Variants in DAAM1 observed in about 807,000 individuals in gnomAD.
The protein encoded by DAAM1 is dishevelled associated activator of morphogenesis 1.
In DAAM1, 52 loss-of-function variants were observed where a neutral mutation model predicts 130.0. That is an observed-to-expected ratio of 0.40 (90% CI 0.32 to 0.50). DAAM1 has a LOEUF of 0.50. Ranked by LOEUF, DAAM1 falls within the 20% of genes least tolerant of loss-of-function variation. The probability of loss-of-function intolerance (pLI) is 0.61; values close to 1 mark genes in which losing one functional copy is unlikely to be tolerated. For synonymous variants in DAAM1, 452 were observed against 444.5 expected (o/e 1.02, Z -0.21); for missense variants, 1,134 against 1,303.8 (o/e 0.87, Z 2.01).
chr14:59,244,488 G>A (rs746923997), intron 1 of DAAM1, among the ~76,000 whole-genome samples: 3 of 152,132 alleles, frequency 2.0e-5, no homozygotes, highest in Non-Finnish European at 4.4e-5. Flanking sequence ...CTGATTATAA[G>A]CTCTGTGAGG....
chr14:59,315,153 CG>C, intron 3 of DAAM1, 126 bp from the exon 4 acceptor site: 1 of 844,610 alleles, frequency 1.2e-6, no homozygotes. Context: ...AAAATAAATA[CG>C]TCATACCTTC....
chr14:59,281,281 A>T (rs964194165), intron 2 of DAAM1, among the ~76,000 whole-genome samples: 1 of 152,174 alleles, frequency 6.6e-6, no homozygotes, highest in Non-Finnish European at 1.5e-5. Flanking sequence ...TCAGTAGATA[A>T]GACACCAGGC....
chr14:59,300,920 A>G (rs1346716898), intron 3 of DAAM1, among the ~76,000 whole-genome samples: 2 of 152,172 alleles, frequency 1.3e-5, no homozygotes, highest in Non-Finnish European at 2.9e-5. Flanking sequence ...ATTGTGATGA[A>G]CATGTTTGTG....
chr14:59,204,988 G>A (rs960453433), intron 1 of DAAM1, among the ~76,000 whole-genome samples: 6 of 152,160 alleles, frequency 3.9e-5, no homozygotes, highest in South Asian at 2.1e-4. Flanking sequence ...GCTTCCTGTT[G>A]CTACTTTTTT....
Position 59,342,563 on chromosome 14 carries a change from G to A in DAAM1, c.2075+2383G>A, listed in dbSNP as rs528727822. Among the ~76,000 whole-genome samples the A allele has an allele frequency of 4.6e-5, 7 of 152,306 alleles. No homozygotes were observed. The South Asian group carries it at 1.2e-3, about 27-fold the overall frequency. On this transcript the variant is annotated intron_variant, in intron 16 of 24. Coordinates refer to ENST00000360909, the MANE Select transcript of DAAM1 (RefSeq NM_001270520.2). ...TAAAAGGAGAAAGAAGTAGGAAAAC[G>A]TGTTCAATACTTTTTCTCTTAGTCA...
chr14:59,339,918 A>G (rs1337383073), intron 15 of DAAM1, among the ~76,000 whole-genome samples, 156 bp from the exon 16 acceptor site: 1 of 152,160 alleles, frequency 6.6e-6, no homozygotes, highest in Non-Finnish European at 1.5e-5. Flanking sequence ...CTTTGTTTCA[A>G]TTCCATCATT....
chr14:59,285,992 C>T (rs1883435643), intron 2 of DAAM1, among the ~76,000 whole-genome samples: 1 of 152,120 alleles, frequency 6.6e-6, no homozygotes, highest in African/African-American at 2.4e-5. Flanking sequence ...TCACATGGCA[C>T]ATACTCTAAG....
intron 3 of DAAM1, among the ~76,000 whole-genome samples, chr14:59,309,388 T>G (rs1199658852): frequency 6.6e-6 from 1 of 152,208 alleles, no homozygotes; most frequent in Non-Finnish European, 1.5e-5. Flanking sequence ...CCAAACACTT[T>G]ATGAGCTTAT....
chr14:59,256,049 G>A (rs1881869054), intron 1 of DAAM1, among the ~76,000 whole-genome samples: 1 of 151,774 alleles, frequency 6.6e-6, no homozygotes, highest in Admixed American at 6.6e-5. Flanking sequence ...GGATTCCTCA[G>A]TCTGGACAGT....
At chr14:59,307,779 A>G (rs1326227562) in intron 3 of DAAM1, among the ~76,000 whole-genome samples, 1 of 152,190 alleles carries the variant, frequency 6.6e-6, no homozygotes, top group Admixed American at 6.5e-5. Context: ...AGCAAAAGTC[A>G]TCTGGAGGTG....
intron 1 of DAAM1, among the ~76,000 whole-genome samples, chr14:59,215,414 A>G (rs1044267453): frequency 6.6e-6 from 1 of 152,256 alleles, no homozygotes; most frequent in African/African-American, 2.4e-5. Flanking sequence ...AGAGTGTAAC[A>G]TAAGAGCTGA....
chr14:59,306,738 C>T (rs1333630141), intron 3 of DAAM1, among the ~76,000 whole-genome samples: 1 of 151,656 alleles, frequency 6.6e-6, no homozygotes, highest in Non-Finnish European at 1.5e-5. Flanking sequence ...ACCCCAAATA[C>T]TTAACCAACA....
intron 3 of DAAM1, among the ~76,000 whole-genome samples, chr14:59,293,588 C>A (rs1883838098): frequency 6.6e-6 from 1 of 152,182 alleles, no homozygotes; most frequent in Non-Finnish European, 1.5e-5. Context: ...AGCTTGGCTT[C>A]CTTATATGAC....
chr14:59,313,547 G>A (rs2139602920), intron 3 of DAAM1, among the ~76,000 whole-genome samples: 1 of 152,294 alleles, frequency 6.6e-6, no homozygotes, highest in South Asian at 2.1e-4. Flanking sequence ...ACAGGCTCTT[G>A]TGGGACCTCA....
chr14:59,347,306 T>C (rs1886122195), intron 16 of DAAM1, among the ~76,000 whole-genome samples: 1 of 121,406 alleles, frequency 8.2e-6, no homozygotes, highest in African/African-American at 2.5e-5. Flanking sequence ...AACTAAATCA[T>C]AGAACATAGC....
chr14:59,256,776 T>C (rs1881908546), intron 1 of DAAM1, among the ~76,000 whole-genome samples: 1 of 152,232 alleles, frequency 6.6e-6, no homozygotes, highest in African/African-American at 2.4e-5. Flanking sequence ...CCCTGCTGTA[T>C]GTCTGCACTA....
chr14:59,366,235 A>T (rs74057121), intron 23 of DAAM1, among the ~76,000 whole-genome samples: 19,565 of 151,526 alleles, frequency 0.13, 1,670 homozygotes, highest in African/African-American at 0.24. Context: ...TTAAAAAAAA[A>T]TTTTTTTTAA....
chr14:59,263,904 C>T, intron 2 of DAAM1: 4 of 541,070 alleles, frequency 7.4e-6, no homozygotes, highest in Non-Finnish European at 1.3e-5. Context: ...GGGATTTAGA[C>T]CTTCAGTTCT....
intron 4 of DAAM1, among the ~76,000 whole-genome samples, chr14:59,318,418 T>C (rs910223946): frequency 1.3e-5 from 2 of 150,946 alleles, no homozygotes; most frequent in African/African-American, 4.9e-5. Context: ...CTTTGCCTGC[T>C]TCTCATGTGA....
Sources: gnomAD v4.1 joint callset for allele counts (sites outside exome capture counted in the v4.1 genomes callset) on GRCh38, gnomAD v4.1.1 for gene constraint, MANE v1.5 for transcripts, NCBI Gene and HGNC (gene_info 2026-07-23, HGNC 2026-07-21) for gene names.